The following CENPE variants were observed in gnomAD, a reference collection of about 807,000 sequenced individuals.
CENPE encodes the protein centromere-associated protein E.
A neutral mutation model predicts 336.1 loss-of-function variants in CENPE; 145 were observed. That is an observed-to-expected ratio of 0.43 (90% CI 0.38 to 0.50). The LOEUF is 0.50. Ranked by LOEUF, CENPE falls within the 20% of genes least tolerant of loss-of-function variation. The pLI, the probability that CENPE is intolerant of heterozygous loss-of-function variation, is 0.00. For missense variants in CENPE, 2,719 were observed against 3,023.3 expected, an observed-to-expected ratio of 0.90 and a Z score of 2.36; for synonymous variants, 1,013 against 984.8, an observed-to-expected ratio of 1.03 and a Z score of -0.54.
chr4:103,133,422 C>T (rs1751785790), intron 41 of CENPE, among the ~76,000 whole-genome samples: 2 of 152,118 alleles, frequency 1.3e-5, no homozygotes, highest in Admixed American at 1.3e-4. Flanking sequence ...ATGCCAGCCT[C>T]ACATAGATGA....
chr4:103,175,868 T>C (rs1755810523), intron 15 of CENPE, 92 bp downstream of exon 15: 3 of 758,366 alleles, frequency 4.0e-6, no homozygotes, highest in Non-Finnish European at 4.2e-6. Context: ...AAATCATTAC[T>C]GAAATTAAAT....
rs748227494 is a variant in CENPE, at chr4:103,114,456, T to A, written c.7539A>T (p.Ser2513=). The A allele has an allele frequency of 6.4e-7, 1 of 1,566,064 alleles. No individual in the cohort carries two copies. Among genetic ancestry groups the A allele is most frequent in the Non-Finnish European group, 8.8e-7 (1 of 1,137,310 alleles). Residue 2513 remains serine (S), a splice_region_variant and synonymous_variant, in exon 46 of 49, where the codon TCA becomes TCT. Transcript: ENST00000265148. ...LRRSQQAQDT[S]VISEHTDPQP... is the part of the protein sequence containing the mutation. ...AAAATATCTGCATTTTCTACTTACC[T>A]GAGGTATCTTGGGCCTGTTGACTTC...
intron 26 of CENPE, 32 bp from the exon 27 acceptor site, chr4:103,149,440 T>G (rs1035818087): frequency 5.3e-6 from 8 of 1,511,540 alleles, no homozygotes; most frequent in Non-Finnish European, 7.0e-6. Flanking sequence ...AATTACCATT[T>G]TACTTATATT....
At chr4:103,112,412 T>C (rs1189726677) in intron 46 of CENPE, among the ~76,000 whole-genome samples, 1 of 138,914 alleles carries the variant, frequency 7.2e-6, no homozygotes, top group Non-Finnish European at 1.6e-5. Context: ...CTTACATATA[T>C]ATGTATATAC....
intron 34 of CENPE, among the ~76,000 whole-genome samples, 175 bp downstream of exon 34, chr4:103,143,073 C>A (rs1216629568): frequency 6.9e-6 from 1 of 144,486 alleles, no homozygotes; most frequent in Non-Finnish European, 1.5e-5. Context: ...TTGAGATAAT[C>A]ATACAATAAG....
chr4:103,156,724 T>C (rs2711891), intron 24 of CENPE, among the ~76,000 whole-genome samples: 24,465 of 151,758 alleles, frequency 0.16, 2,349 homozygotes, highest in Non-Finnish European at 0.2. Context: ...TAAAAATAAA[T>C]AAACTTGACT....
intron 13 of CENPE, among the ~76,000 whole-genome samples, chr4:103,178,972 T>C (rs1211646457): frequency 6.6e-6 from 1 of 152,146 alleles, no homozygotes; most frequent in East Asian, 1.9e-4. Context: ...TATTCACACA[T>C]TTGCATTTTC....
In CENPE at chr4:103,195,157, C is replaced by T; in HGVS notation, c.434G>A (p.Gly145Asp). The change falls in exon 5 of 49, where the codon GGC becomes GAC. Residue 145 changes from glycine to aspartate, a missense_variant. Physicochemically the swap from Gly to Asp is moderately conservative, Grantham distance 94 (BLOSUM62 -1). Coordinates refer to ENST00000265148, the MANE Select transcript of CENPE (RefSeq NM_001813.3). The part of the protein sequence containing the change: ...YNETITDLLC[G>D]TQKMKPLIIR... ...AATTAAAGGTTTCATTTTTTGAGTGCCACAGAGTAAATCTGTAATGGTTTC... is the reference window on the plus strand; with the variant it reads ...AATTAAAGGTTTCATTTTTTGAGTGTCACAGAGTAAATCTGTAATGGTTTC... 1 of 1,593,018 alleles carries T rather than the reference C, an allele frequency of 6.3e-7. No homozygotes were observed. Among genetic ancestry groups the T allele is most frequent in the East Asian group, 2.3e-5 (1 of 43,890 alleles).
intron 8 of CENPE, among the ~76,000 whole-genome samples, chr4:103,190,668 G>T (rs1297002684): frequency 2.0e-5 from 3 of 151,946 alleles, no homozygotes; most frequent in African/African-American, 4.8e-5. Context: ...ACTTAAATGT[G>T]AGACCTAAAA....
At chr4:103,184,249 G>A (rs1756562062) in intron 9 of CENPE, among the ~76,000 whole-genome samples, 1 of 152,178 alleles carries the variant, frequency 6.6e-6, no homozygotes, top group South Asian at 2.1e-4. Flanking sequence ...CTCTACAATA[G>A]GTTGCAGAAT....
At chr4:103,115,468 A>G (rs1242731886) in intron 45 of CENPE, among the ~76,000 whole-genome samples, 1 of 152,134 alleles carries the variant, frequency 6.6e-6, no homozygotes, top group South Asian at 2.1e-4. Flanking sequence ...AATTGTTTTT[A>G]TAATTAAGAA....
intron 28 of CENPE, among the ~76,000 whole-genome samples, 190 bp from the exon 29 acceptor site, chr4:103,147,836 G>A (rs1255611589): frequency 6.6e-6 from 1 of 152,006 alleles, no homozygotes; most frequent in African/African-American, 2.4e-5. Context: ...TGGGATTACA[G>A]GTGTGTGCTA....
chr4:103,148,730 T>C, intron 28 of CENPE, 114 bp downstream of exon 28: 1 of 966,080 alleles, frequency 1.0e-6, no homozygotes, highest in Non-Finnish European at 1.6e-6. Context: ...ACTCGACAAA[T>C]ACTTACCCAG....
intron 46 of CENPE, among the ~76,000 whole-genome samples, chr4:103,112,670 G>A (rs1267815967): frequency 2.0e-4 from 25 of 125,360 alleles, no homozygotes; most frequent in African/African-American, 6.9e-4. Flanking sequence ...ATATAAGTCT[G>A]CATATATACT....
chr4:103,159,419 T>A, intron 21 of CENPE, 95 bp from the exon 22 acceptor site: 1 of 747,130 alleles, frequency 1.3e-6, no homozygotes, highest in Non-Finnish European at 2.0e-6. Context: ...AAAGAGAAGT[T>A]ATTTACATTC....
intron 40 of CENPE, among the ~76,000 whole-genome samples, chr4:103,134,799 A>G (rs1751927566): frequency 6.6e-6 from 1 of 152,216 alleles, no homozygotes; most frequent in Non-Finnish European, 1.5e-5. Flanking sequence ...CCGAAGGGCA[A>G]TCTACCCAGG....
chr4:103,174,903 C>T lies in CENPE; in HGVS notation c.1480G>A (p.Glu494Lys). The part of the protein sequence containing the change: ...WNPATKLLNQ[E>K]NIESELNSLR... ...GAGTTCAACTCACTTTCTATATTCT[C>T]CTATTATAAACAAGAACAGATTTTC... The change falls in exon 16 of 49, where the codon GAG (glutamate) becomes AAG (lysine). Residue 494 changes from glutamate to lysine, a missense_variant and splice_region_variant. Glu to Lys is a moderately conservative substitution (Grantham distance 56, BLOSUM62 1). Transcript: ENST00000265148. 1 of 1,447,274 alleles carries T rather than the reference C, an allele frequency of 6.9e-7. No individual in the cohort carries two copies. The highest frequency in any genetic ancestry group is 9.1e-7 in the Non-Finnish European group (1 of 1,099,872). 89.7% of individuals were successfully genotyped at this position (1,447,274 alleles called of 1,614,324 possible).
intron 18 of CENPE, 144 bp from the exon 19 acceptor site, chr4:103,161,601 A>G: frequency 1.6e-6 from 1 of 643,154 alleles, no homozygotes; most frequent in East Asian, 3.4e-5. Flanking sequence ...AAAAGAAATA[A>G]TGTTTTCCTA....
At chr4:103,143,871 T>C (rs1465432694) in intron 33 of CENPE, among the ~76,000 whole-genome samples, 2 of 152,200 alleles carry the variant, frequency 1.3e-5, no homozygotes, top group African/African-American at 4.8e-5. Context: ...TTGGAAGGTA[T>C]TTCCAAATAT....
Sources: gnomAD v4.1 joint callset for allele counts (sites outside exome capture counted in the v4.1 genomes callset) on GRCh38, gnomAD v4.1.1 for gene constraint, MANE v1.5 for transcripts, NCBI Gene and HGNC (gene_info 2026-07-23, HGNC 2026-07-21) for gene names.